The following SLF2 variants were observed in gnomAD, a reference collection of about 807,000 sequenced individuals.
The protein encoded by SLF2 is SMC5/6 complex localization factor 2, also known as SMC5-SMC6 complex localization factor protein 2.
Under a neutral mutation model 124.3 loss-of-function variants are expected in SLF2, and 68 were observed. The ratio of observed to expected loss-of-function variants is 0.55; its 90% CI spans 0.45 to 0.67. The LOEUF (loss-of-function observed/expected upper bound fraction) is 0.67. Ranked by LOEUF, SLF2 falls within the 30% of genes least tolerant of loss-of-function variation. SLF2 has a pLI of 0.00. For synonymous variants in SLF2, 480 were observed against 478.8 expected, an observed-to-expected ratio of 1.00 and a Z score of -0.03; for missense variants, 1,246 against 1,373.7, an observed-to-expected ratio of 0.91 and a Z score of 1.47.
intron 11 of SLF2, among the ~76,000 whole-genome samples, chr10:100,943,450 A>T (rs908143153): frequency 1.3e-5 from 2 of 152,232 alleles, no homozygotes; most frequent in African/African-American, 4.8e-5. Context: ...TTGATTTTTT[A>T]AAACCATATA....
At position 100,924,395 on chromosome 10, in the gene SLF2, C is replaced by A. The variant is rs768453131; in HGVS notation, c.1394C>A (p.Thr465Lys). The A allele has an allele frequency of 6.2e-7, 1 of 1,614,126 alleles. No homozygotes were observed. The highest frequency in any genetic ancestry group is 1.7e-5 in the Admixed American group (1 of 60,018). The change falls in exon 5 of 20, where the codon ACG (threonine) becomes AAG (lysine). Residue 465 changes from threonine to lysine, a missense_variant. By Grantham distance (78) the Thr-to-Lys change is moderately conservative (BLOSUM62 -1). Coordinates refer to ENST00000238961, the MANE Select transcript of SLF2 (RefSeq NM_018121.4). ...CAGAAAAATAAAACCGCTAGCTCCA[C>A]GACAAAGGAGAAGGAGACAAAACTA... ...NLQKNKTASS[T>K]TKEKETKLPL...
At chr10:100,955,905 CAAAA>C (rs56283306) in intron 17 of SLF2, among the ~76,000 whole-genome samples, 1 of 136,652 alleles carries the variant, frequency 7.3e-6, no homozygotes. Flanking sequence ...GACTCTGTCT[CAAAA>C]AAAAAAAAAA....
rs760939849 is a variant in SLF2 at position 100,924,532 on chromosome 10, T to C, written c.1531T>C (p.Cys511Arg). 5.6e-6 allele frequency: 9 copies of C among 1,614,028 alleles called. No individual in the cohort carries two copies. In the Admixed American group the frequency reaches 1.5e-4, roughly 27 times the overall value. ...TAAAGAGCGTTCCTCATCTAAAGAATGTTCTGGGCATTCTACAGAATCCAC... is the reference window on the plus strand; with the variant it reads ...TAAAGAGCGTTCCTCATCTAAAGAACGTTCTGGGCATTCTACAGAATCCAC... ...KDKERSSSKE[C>R]SGHSTESTKH... The change falls in exon 5 of 20, where the codon TGT becomes CGT. Residue 511 changes from cysteine to arginine, a missense_variant. Transcript: ENST00000238961.
chr10:100,949,808 C>G (rs1205794567), intron 15 of SLF2, among the ~76,000 whole-genome samples: 3 of 152,064 alleles, frequency 2.0e-5, no homozygotes, highest in African/African-American at 7.2e-5. Flanking sequence ...GTTGGCCAGG[C>G]TGGTCTTGAA....
chr10:100,919,097 C>T (rs1035121060), intron 4 of SLF2, among the ~76,000 whole-genome samples: 8 of 146,230 alleles, frequency 5.5e-5, no homozygotes, highest in Non-Finnish European at 8.9e-5. Flanking sequence ...TTGCAAGCTC[C>T]GCCTCCCGGG....
At position 100,916,025 on chromosome 10, in the gene SLF2, A is replaced by G. The variant is rs1849406407; in HGVS notation, c.167A>G (p.Lys56Arg). The G allele has an allele frequency of 6.2e-7, 1 of 1,612,394 alleles. No individual in the cohort carries two copies. The highest frequency in any genetic ancestry group is 8.5e-7 in the Non-Finnish European group (1 of 1,179,022). Residue 56 changes from lysine (K) to arginine (R), a missense_variant, in exon 2 of 20, where the codon AAA becomes AGA. By Grantham distance (26) the Lys-to-Arg change is conservative. Around this residue, in one of 3 missense-constraint regions of SLF2, gnomAD observed 698 missense variants for 708.9 expected, o/e 0.98. Transcript: ENST00000238961. ...DRKQSIIDFFKPASKQDRHML... is the reference protein window; with the variant it reads ...DRKQSIIDFFRPASKQDRHML... ...AAGCAGTCAATTATAGATTTCTTCA[A>G]ACCAGCTTCAAAACAAGGTATGTAC...
intron 17 of SLF2, among the ~76,000 whole-genome samples, chr10:100,951,737 C>T (rs1483984766): frequency 1.3e-5 from 2 of 152,184 alleles, no homozygotes; most frequent in East Asian, 1.9e-4. Context: ...GCTTTTAGCT[C>T]GTTTCTTCCC....
chr10:100,947,708 C>T, intron 14 of SLF2, 52 bp from the exon 15 acceptor site: 1 of 1,287,998 alleles, frequency 7.8e-7, no homozygotes, highest in Non-Finnish European at 1.1e-6. Context: ...ATTTGCTTTT[C>T]AAGCAGTATT....
Position 100,929,348 on chromosome 10 carries a change from G to C in SLF2, c.2074G>C (p.Asp692His). 6.2e-7 allele frequency: 1 copy of C among 1,613,010 alleles called. No individual in the cohort carries two copies. Among genetic ancestry groups the C allele is most frequent in the Non-Finnish European group, 8.5e-7 (1 of 1,179,284 alleles). ...TGAACTGCAGAAGCAACTACAAGAA[G>C]ACATAAGGCAAGGCCGAGGCATTAA... ...LDELQKQLQE[D>H]IRQGRGIKSP... is the part of the protein sequence containing the mutation. The change falls in exon 7 of 20, where the codon GAC becomes CAC. Residue 692 changes from aspartate (D) to histidine (H), a missense_variant. By Grantham distance (81) the Asp-to-His change is moderately conservative. This residue lies in a region of SLF2 where 535 missense variants were observed against 632.8 expected (regional missense o/e 0.85). Transcript: ENST00000238961.
intron 5 of SLF2, 59 bp downstream of exon 5, chr10:100,925,031 AAG>A (rs1014196264): frequency 1.7e-5 from 26 of 1,489,340 alleles, no homozygotes; most frequent in Admixed American, 6.4e-5. Flanking sequence ...TAATTAGTGA[AAG>A]GGGTGGATTA....
At chr10:100,959,931 C>G (rs2133836473) in intron 19 of SLF2, among the ~76,000 whole-genome samples, 1 of 152,322 alleles carries the variant, frequency 6.6e-6, no homozygotes, top group East Asian at 1.9e-4. Context: ...ATTCATTCCC[C>G]TTTCCTCTAC....
In SLF2 at chr10:100,930,873, T is replaced by C. The variant is rs948768965; in HGVS notation, c.2334-103T>C. The stretch of plus-strand genomic sequence containing the variant: ...TCCACCTCTATGGACTGAAGACAGT[T>C]TGCTTGCTCATTTCTCTGATTATGT... On this transcript the variant is annotated intron_variant, in intron 8 of 19. Transcript: ENST00000238961. The C allele has an allele frequency of 2.7e-5, 23 of 849,954 alleles. No homozygotes were observed. In the Admixed American group the frequency reaches 3.4e-4, roughly 13 times the overall value. 52.7% of individuals were successfully genotyped at this position (849,954 alleles called of 1,614,324 possible). A position where few individuals can be genotyped will look rare whatever the true frequency, so the allele number is the denominator to read the frequency against.
rs116615134 is a variant in SLF2, at chr10:100,917,777, A to G, written c.915+477A>G. The stretch of plus-strand genomic sequence containing the variant: ...TTTTTTTGTAGAGACAGGTCTCCCT[A>G]TACTGCCCAGGCTGGCCTTGAACCC... On this transcript the variant is annotated intron_variant, in intron 3 of 19. Coordinates refer to ENST00000238961, the MANE Select transcript of SLF2 (RefSeq NM_018121.4). Among the ~76,000 whole-genome samples the G allele has an allele frequency of 7.9e-3, 1,199 of 152,168 alleles. 28 individuals carry two copies. The highest frequency in any genetic ancestry group is 0.028 in the African/African-American group (1,157 of 41,510).
chr10:100,924,165 CT>C lies in SLF2; in HGVS notation c.1166del (p.Leu389Ter). Reference sequence around the variant, plus strand: ...TGAAGACACCTGGTGATGTGTTGCGCTTAGAAGATATATCCAAGGAACCGAG... The same window carrying C: ...TGAAGACACCTGGTGATGTGTTGCGCTAGAAGATATATCCAAGGAACCGAG... ...ALKTPGDVLR[L>X]EDISKEPSDE... On this transcript the variant is annotated frameshift_variant, in exon 5 of 20. Transcript: ENST00000238961. LOFTEE classifies it high-confidence loss of function. 1 of 1,614,008 alleles carries C rather than the reference CT, an allele frequency of 6.2e-7. No homozygotes were observed. Among genetic ancestry groups the C allele is most frequent in the Non-Finnish European group, 8.5e-7 (1 of 1,179,982 alleles).
chr10:100,946,953 T>C (rs1727534227), intron 13 of SLF2, 86 bp from the exon 14 acceptor site: 4 of 1,042,666 alleles, frequency 3.8e-6, no homozygotes, highest in Non-Finnish European at 6.0e-6. Flanking sequence ...GCTTCCATTA[T>C]GTCAAGAAGG....
chr10:100,912,995 A>G lies in SLF2; in HGVS notation c.-116A>G, dbSNP rs1849343474. 8.8e-7 allele frequency: 1 copy of G among 1,135,822 alleles called. No homozygotes were observed. The highest frequency in any genetic ancestry group is 1.2e-6 in the Non-Finnish European group (1 of 800,354). The allele number at this position is 1,135,822 out of a possible 1,614,324, so 70.4% of individuals were successfully genotyped here. ...AAGAGAGAACCGCCATGAAGAGAGA[A>G]GGGGGTGCCGCCCACCTCTGCTCCG... is the stretch of plus-strand genomic sequence containing the variant. On this transcript the variant is annotated 5_prime_UTR_variant, in exon 1 of 20. Coordinates refer to ENST00000238961, the MANE Select transcript of SLF2 (RefSeq NM_018121.4).
At chr10:100,952,062 G>A (rs1850225985) in intron 17 of SLF2, among the ~76,000 whole-genome samples, 1 of 151,986 alleles carries the variant, frequency 6.6e-6, no homozygotes, top group African/African-American at 2.4e-5. Context: ...TGGCCAGCAT[G>A]GTGAAACCCC....
chr10:100,944,307 A>G (rs1589960303), intron 12 of SLF2, among the ~76,000 whole-genome samples, 179 bp downstream of exon 12: 3 of 152,040 alleles, frequency 2.0e-5, no homozygotes, highest in South Asian at 4.1e-4. Context: ...CATCCTGGCT[A>G]ACACGGTGAA....
intron 11 of SLF2, among the ~76,000 whole-genome samples, chr10:100,939,327 GC>G (rs1026481462): frequency 6.6e-6 from 1 of 152,044 alleles, no homozygotes; most frequent in African/African-American, 2.4e-5. Context: ...GGAAGTTGCA[GC>G]GAGTTCACCA....
Sources: gnomAD v4.1 joint callset for allele counts (sites outside exome capture counted in the v4.1 genomes callset) on GRCh38, gnomAD v4.1.1 for gene constraint, gnomAD v4.1.1 regional missense constraint, MANE v1.5 for transcripts, NCBI Gene and HGNC (gene_info 2026-07-23, HGNC 2026-07-21) for gene names.